RGS17: variants seen among roughly 807,000 people sequenced by gnomAD.
The protein encoded by RGS17 is regulator of G-protein signaling 17.
In RGS17, 12 loss-of-function variants were observed where a neutral mutation model predicts 25.5. That is an observed-to-expected ratio of 0.47 (90% CI 0.30 to 0.76). The LOEUF (loss-of-function observed/expected upper bound fraction) is 0.76, where lower values mean the gene tolerates loss of function less well. RGS17 is among the 30% of genes least tolerant of loss of function. RGS17 has a pLI of 0.07. For missense variants in RGS17, 196 were observed against 242.2 expected, an observed-to-expected ratio of 0.81 and a Z score of 1.27; for synonymous variants, 71 against 76.9, an observed-to-expected ratio of 0.92 and a Z score of 0.40.
At chr6:153,037,106 C>T (rs1003610351) in intron 2 of RGS17, among the ~76,000 whole-genome samples, 1 of 151,904 alleles carries the variant, frequency 6.6e-6, no homozygotes, top group African/African-American at 2.4e-5. Flanking sequence ...AAATGCTAAA[C>T]AGATTTAGTG....
At chr6:153,119,127 T>C (rs1194945801) in intron 1 of RGS17, among the ~76,000 whole-genome samples, 4 of 152,210 alleles carry the variant, frequency 2.6e-5, no homozygotes, top group Non-Finnish European at 5.9e-5. Flanking sequence ...CTCTCTCCTT[T>C]GACACTTTTC....
chr6:153,054,107 T>C lies in RGS17; in HGVS notation c.-25-10064A>G, dbSNP rs1266425869. The stretch of plus-strand genomic sequence containing the variant: ...ACAATATTTTTTATATATATATATA[T>C]ATATATGTGTATATATATATATATA... On this transcript the variant is annotated intron_variant, in intron 1 of 4. Coordinates refer to ENST00000206262, the MANE Select transcript of RGS17 (RefSeq NM_012419.5). Among the ~76,000 whole-genome samples, 8 of 105,554 alleles carry C rather than the reference T, an allele frequency of 7.6e-5. 2 individuals carry two copies. The highest frequency in any genetic ancestry group is 2.2e-4 in the Admixed American group (2 of 9,140). 69.2% of individuals were successfully genotyped at this position (105,554 alleles called of 152,430 possible).
At chr6:153,112,038 T>A (rs991293613) in intron 1 of RGS17, among the ~76,000 whole-genome samples, 5 of 152,142 alleles carry the variant, frequency 3.3e-5, no homozygotes, top group African/African-American at 1.2e-4. Context: ...CTCCAAAGGA[T>A]CACAACTCCT....
intron 1 of RGS17, among the ~76,000 whole-genome samples, chr6:153,107,340 AAAAGT>A (rs1181216055): frequency 2.6e-5 from 4 of 152,194 alleles, no homozygotes; most frequent in Admixed American, 2.6e-4. Context: ...GTCTCAAAAG[AAAAGT>A]AGTTTGGTAT....
intron 1 of RGS17, among the ~76,000 whole-genome samples, chr6:153,111,166 G>A (rs564327506): frequency 3.8e-4 from 58 of 152,244 alleles, no homozygotes; most frequent in African/African-American, 1.2e-3. Context: ...CCACCCCCAC[G>A]GAGCCCAGCA....
intron 1 of RGS17, among the ~76,000 whole-genome samples, chr6:153,081,705 A>G (rs913070055): frequency 6.6e-6 from 1 of 151,910 alleles, no homozygotes; most frequent in East Asian, 1.9e-4. Context: ...ATTGTTTTAC[A>G]TGGTATTTTT....
At position 153,105,957 on chromosome 6, in the gene RGS17, G is replaced by A. The variant is rs567308206; in HGVS notation, c.-26+25167C>T. ...CACCTGCATGGAAGAGAAGTGGAGCGAAATGGCAATGGAGGCAGGGAGGCT... is the reference window on the plus strand; with the variant it reads ...CACCTGCATGGAAGAGAAGTGGAGCAAAATGGCAATGGAGGCAGGGAGGCT... On this transcript the variant is annotated intron_variant, in intron 1 of 4. Transcript: ENST00000206262. 3.4e-4 allele frequency among the ~76,000 whole-genome samples: 52 copies of A among 152,272 alleles called. No homozygotes were observed. The East Asian group carries it at 7.9e-3, about 23-fold the overall frequency.
chr6:153,077,681 G>A (rs959413863), intron 1 of RGS17, among the ~76,000 whole-genome samples: 1 of 151,882 alleles, frequency 6.6e-6, no homozygotes, highest in East Asian at 1.9e-4. Flanking sequence ...GAAAGTTGGG[G>A]CAAAAAAGTA....
intron 1 of RGS17, among the ~76,000 whole-genome samples, chr6:153,112,785 A>G (rs1777492491): frequency 6.6e-6 from 1 of 152,252 alleles, no homozygotes; most frequent in Non-Finnish European, 1.5e-5. Context: ...TCTTAAAGAA[A>G]GCAATTTTCA....
intron 1 of RGS17, among the ~76,000 whole-genome samples, chr6:153,115,945 C>A (rs151333707): frequency 4.6e-5 from 7 of 152,096 alleles, no homozygotes; most frequent in African/African-American, 1.7e-4. Flanking sequence ...AAGACTTAAA[C>A]GTAAAACCTA....
In RGS17 at chr6:153,108,191, G is replaced by A. The variant is rs114085978; in HGVS notation, c.-26+22933C>T. Among the ~76,000 whole-genome samples the A allele has an allele frequency of 2.8e-3, 419 of 152,166 alleles. 2 individuals are homozygous for A. Among genetic ancestry groups the A allele is most frequent in the African/African-American group, 9.7e-3 (402 of 41,492 alleles). ...TGGCTGAGCACATTATACAGCCTCCGTACATAATTTTCCCAAAAGTTTAGA... is the reference window on the plus strand; with the variant it reads ...TGGCTGAGCACATTATACAGCCTCCATACATAATTTTCCCAAAAGTTTAGA... On this transcript the variant is annotated intron_variant, in intron 1 of 4. Transcript: ENST00000206262.
intron 1 of RGS17, among the ~76,000 whole-genome samples, chr6:153,118,783 ATG>A (rs1002669236): frequency 6.6e-6 from 1 of 152,110 alleles, no homozygotes; most frequent in Non-Finnish European, 1.5e-5. Context: ...GCAAAATCTG[ATG>A]TGTCATCCTG....
intron 1 of RGS17, among the ~76,000 whole-genome samples, chr6:153,062,960 A>C (rs543130352): frequency 7.2e-5 from 11 of 152,270 alleles, no homozygotes; most frequent in African/African-American, 2.4e-4. Flanking sequence ...CTAACTAAAG[A>C]GCCCAGGACC....
intron 4 of RGS17, among the ~76,000 whole-genome samples, chr6:153,023,818 GATTTCTGGGTCCT>G (rs1562313904): frequency 3.3e-5 from 5 of 152,252 alleles, no homozygotes; most frequent in Non-Finnish European, 5.9e-5. Context: ...TAAAAGTGCA[GATTTCTGGGTCCT>G]ATTTCCAAAA....
rs1356867520 is a variant in RGS17 at position 153,005,930 on chromosome 6, G to A, written c.*5644C>T. 2 of 152,244 alleles carry A rather than the reference G, an allele frequency of 1.3e-5. No individual in the cohort carries two copies. Among genetic ancestry groups the A allele is most frequent in the Admixed American group, 1.3e-4 (2 of 15,282 alleles). 9.4% of individuals were successfully genotyped at this position (152,244 alleles called of 1,614,324 possible). A position where few individuals can be genotyped will look rare whatever the true frequency, so the allele number is the denominator to read the frequency against. On this transcript the variant is annotated 3_prime_UTR_variant, in exon 5 of 5. Coordinates refer to ENST00000206262, the MANE Select transcript of RGS17 (RefSeq NM_012419.5). ...CATTAATGCCCATAGATGTATATGG[G>A]ACCTCTCTATTTGGAGTTTTTCTGT...
intron 1 of RGS17, among the ~76,000 whole-genome samples, chr6:153,095,912 C>A (rs1777201259): frequency 6.6e-6 from 1 of 152,190 alleles, no homozygotes; most frequent in Admixed American, 6.5e-5. Context: ...TAATACACAA[C>A]CAATTAACAT....
At chr6:153,037,390 A>C (rs1478764253) in intron 2 of RGS17, among the ~76,000 whole-genome samples, 1 of 152,038 alleles carries the variant, frequency 6.6e-6, no homozygotes, top group East Asian at 1.9e-4. Flanking sequence ...ACACCTACTA[A>C]TACTGGCCAA....
intron 2 of RGS17, among the ~76,000 whole-genome samples, chr6:153,035,933 C>T (rs1217989003): frequency 6.6e-6 from 1 of 152,172 alleles, no homozygotes; most frequent in African/African-American, 2.4e-5. Context: ...AAGAAGCCCT[C>T]CTGGCTGGTC....
chr6:153,084,001 A>C (rs1313272048), intron 1 of RGS17, among the ~76,000 whole-genome samples: 3 of 152,226 alleles, frequency 2.0e-5, no homozygotes, highest in African/African-American at 7.2e-5. Context: ...CAGGTGTGAC[A>C]GGTGGCCTCA....
Sources: allele counts gnomAD v4.1 joint callset (sites outside exome capture counted in the v4.1 genomes callset), GRCh38; gene constraint gnomAD v4.1.1; transcripts MANE v1.5; gene names NCBI Gene and HGNC (gene_info 2026-07-23, HGNC 2026-07-21).